CFAP276: variants seen among roughly 807,000 people sequenced by gnomAD.
CFAP276 encodes cilia- and flagella-associated protein 276.
the CFAP276 span, among the ~76,000 whole-genome samples, chr1:109,111,112 A>G: frequency 6.6e-6 from 1 of 152,086 alleles, no homozygotes; most frequent in East Asian, 1.9e-4. Context: ...CATCCTATCC[A>G]GTCTGCTGCC....
chr1:109,111,898 C>T, the CFAP276 span, among the ~76,000 whole-genome samples: 114 of 152,318 alleles, frequency 7.5e-4, no homozygotes, highest in African/African-American at 2.6e-3. Context: ...TTGCTATTGT[C>T]GGTCTCTCTT....
chr1:109,113,438 G>GAGACCCTGTC, the CFAP276 span, among the ~76,000 whole-genome samples: 1 of 135,128 alleles, frequency 7.4e-6, no homozygotes, highest in African/African-American at 2.7e-5. Context: ...GAGAGAGAGA[G>GAGACCCTGTC]AGAGAGAGAG....
At chr1:109,110,082 C>A in the CFAP276 span, among the ~76,000 whole-genome samples, 1 of 152,176 alleles carries the variant, frequency 6.6e-6, no homozygotes. Context: ...TGAATGCCAT[C>A]TTTACATCCA....
chr1:109,113,779 G>C, the CFAP276 span: 2 of 1,327,260 alleles, frequency 1.5e-6, no homozygotes, highest in South Asian at 2.4e-5. Flanking sequence ...TTGTTGGCTG[G>C]CTTGGAGGAT....
At chr1:109,112,940 C>T in the CFAP276 span, among the ~76,000 whole-genome samples, 35 of 152,186 alleles carry the variant, frequency 2.3e-4, no homozygotes, top group African/African-American at 8.0e-4. Flanking sequence ...GAATTGCACT[C>T]CTGAGCCTCG....
At chr1:109,108,611 C>G in the CFAP276 span, among the ~76,000 whole-genome samples, 3 of 152,028 alleles carry the variant, frequency 2.0e-5, no homozygotes, top group South Asian at 6.2e-4. Context: ...GAGTTGGGAG[C>G]AGATAGGAAA....
At chr1:109,110,830 C>T in the CFAP276 span, among the ~76,000 whole-genome samples, 1 of 152,136 alleles carries the variant, frequency 6.6e-6, no homozygotes, top group African/African-American at 2.4e-5. Context: ...TGATGTTTCT[C>T]AACATCTTTC....
At chr1:109,111,487 ATC>A in the CFAP276 span, among the ~76,000 whole-genome samples, 2 of 150,234 alleles carry the variant, frequency 1.3e-5, no homozygotes, top group South Asian at 4.2e-4. Flanking sequence ...AAAAAAAAAT[ATC>A]CCACAATGAT....
chr1:109,113,453 AGAGAGAGAGAGAGAGG>A, the CFAP276 span, among the ~76,000 whole-genome samples: 7 of 139,670 alleles, frequency 5.0e-5, 1 homozygote, highest in African/African-American at 1.3e-4. Context: ...AGAGAGAGAG[AGAGAGAGAGAGAGAGG>A]CCCACGTGCG....
the CFAP276 span, among the ~76,000 whole-genome samples, chr1:109,113,445 AGAGAGAGAGAGAGAGAGAGAGAGG>A: frequency 6.8e-6 from 1 of 146,158 alleles, no homozygotes; most frequent in African/African-American, 2.6e-5. Flanking sequence ...AGAGAGAGAG[AGAGAGAGAGAGAGAGAGAGAGAGG>A]CCCACGTGCG....
At chr1:109,106,221 C>T in the CFAP276 span, 25 of 876,158 alleles carry the variant, frequency 2.9e-5, no homozygotes, top group Admixed American at 7.9e-5. Flanking sequence ...CTGGGAAAAC[C>T]GGCATATGGA....
At chr1:109,109,724 A>G in the CFAP276 span, among the ~76,000 whole-genome samples, 2 of 151,550 alleles carry the variant, frequency 1.3e-5, no homozygotes, top group African/African-American at 4.9e-5. Flanking sequence ...TTTATTAGAG[A>G]TGGGGCTTCA....
chr1:109,108,027 T>TTTTTTTTTTTTTTTTTTTTTCA, the CFAP276 span: 6 of 1,600,666 alleles, frequency 3.7e-6, 1 homozygote, highest in Non-Finnish European at 5.1e-6. Context: ...TGGGTTCTTA[T>TTTTTTTTTTTTTTTTTTTTTCA]ATGGCAATTT....
the CFAP276 span, chr1:109,106,036 A>T: frequency 7.4e-6 from 12 of 1,613,044 alleles, no homozygotes; most frequent in Non-Finnish European, 1.0e-5. Flanking sequence ...CACTAGGTGG[A>T]GAAGAAGCCA....
the CFAP276 span, chr1:109,106,683 A>G: frequency 6.2e-7 from 1 of 1,609,928 alleles, no homozygotes. Flanking sequence ...TAGGGAAGAA[A>G]AGTGGAGAGT....
At chr1:109,113,234 A>G in the CFAP276 span, among the ~76,000 whole-genome samples, 2,092 of 152,072 alleles carry the variant, frequency 0.014, 50 homozygotes, top group African/African-American at 0.048. Flanking sequence ...TACAAAAAGT[A>G]GGAAAAAAAT....
the CFAP276 span, chr1:109,106,037 G>A: frequency 6.2e-7 from 1 of 1,613,376 alleles, no homozygotes; most frequent in Admixed American, 1.7e-5. Flanking sequence ...ACTAGGTGGA[G>A]AAGAAGCCAC....
the CFAP276 span, among the ~76,000 whole-genome samples, chr1:109,113,467 A>AGG: frequency 1.2e-4 from 15 of 126,406 alleles, no homozygotes; most frequent in South Asian, 2.6e-4. Context: ...AGAGAGAGAG[A>AGG]GGCCCACGTG....
At chr1:109,113,416 A>AGAGAGGAGAG in the CFAP276 span, among the ~76,000 whole-genome samples, 4 of 68,040 alleles carry the variant, frequency 5.9e-5, no homozygotes. Flanking sequence ...GAGAGAGAGA[A>AGAGAGGAGAG]AGAGAGAGAG....
Sources: gnomAD v4.1 joint callset for allele counts (sites outside exome capture counted in the v4.1 genomes callset) on GRCh38, gnomAD v4.1.1 for gene constraint, MANE v1.5 for transcripts, NCBI Gene and HGNC (gene_info 2026-07-23, HGNC 2026-07-21) for gene names.